Variants in UBAP2L observed in about 807,000 individuals in gnomAD.
UBAP2L encodes ubiquitin associated protein 2 like.
A neutral mutation model predicts 130.6 loss-of-function variants in UBAP2L; 12 were observed. The ratio of observed to expected loss-of-function variants is 0.09; its 90% CI spans 0.06 to 0.15. The LOEUF is 0.15. Among genes scored for constraint, UBAP2L ranks in the 10% least tolerant of loss-of-function variants. UBAP2L has a pLI of 1.00. For synonymous variants in UBAP2L, 503 were observed against 524.7 expected (o/e 0.96, Z 0.57); for missense variants, 965 against 1,332.5 (o/e 0.72, Z 4.29).
At chr1:154,223,385 G>A (rs1173542114) in intron 1 of UBAP2L, among the ~76,000 whole-genome samples, 1 of 152,140 alleles carries the variant, frequency 6.6e-6, no homozygotes, top group African/African-American at 2.4e-5. Context: ...TAGTGGGTTG[G>A]AAATGACTAT....
intron 2 of UBAP2L, among the ~76,000 whole-genome samples, chr1:154,226,522 A>C (rs1667985234): frequency 6.6e-6 from 1 of 152,228 alleles, no homozygotes; most frequent in Non-Finnish European, 1.5e-5. Context: ...TAGAATTATA[A>C]TACTTAGTTG....
At position 154,227,263 on chromosome 1, in the gene UBAP2L, A is replaced by C; in HGVS notation, c.91-19A>C. ...GTTGCCTCATGATTATGCTTTCTTG[A>C]TCTCATCTCAATTCCTAGGCCACTG... is the stretch of plus-strand genomic sequence containing the variant. On this transcript the variant is annotated intron_variant, in intron 2 of 26. Coordinates refer to ENST00000428931, the MANE Select transcript of UBAP2L (RefSeq NM_014847.4). 6 of 1,461,844 alleles carry C rather than the reference A, an allele frequency of 4.1e-6. No individual in the cohort carries two copies. The highest frequency in any genetic ancestry group is 4.8e-6 in the Non-Finnish European group (5 of 1,042,470). The allele number at this position is 1,461,844 out of a possible 1,614,324, so 90.6% of individuals were successfully genotyped here. A position where few individuals can be genotyped will look rare whatever the true frequency, so the allele number is the denominator to read the frequency against.
Position 154,266,565 on chromosome 1 carries a change from C to T in UBAP2L, c.2967C>T (p.Thr989=), listed in dbSNP as rs754295044. ...PDISGSVYSK[T]QQSFEKQGFH... Reference sequence around the variant, plus strand: ...TCTCGGGTTCTGTGTACTCCAAAACCCAGGTAGGTGCCTGGCTCTGGATAA... The same window carrying T: ...TCTCGGGTTCTGTGTACTCCAAAACTCAGGTAGGTGCCTGGCTCTGGATAA... The change falls in exon 25 of 27, where the codon ACC becomes ACT. Residue 989 remains threonine (T), a synonymous_variant. Transcript: ENST00000428931. The T allele has an allele frequency of 2.0e-5, 33 of 1,613,928 alleles. No homozygotes were observed. In the East Asian group the frequency reaches 6.5e-4, roughly 32 times the overall value.
chr1:154,263,158 C>T (rs1682134489), intron 24 of UBAP2L: 4 of 1,551,946 alleles, frequency 2.6e-6, no homozygotes, highest in East Asian at 2.4e-5. Flanking sequence ...GCTAATTTGG[C>T]CCAAGGCTGG....
chr1:154,265,225 CT>C (rs1682897721), intron 24 of UBAP2L, among the ~76,000 whole-genome samples: 1 of 152,198 alleles, frequency 6.6e-6, no homozygotes, highest in Non-Finnish European at 1.5e-5. Flanking sequence ...CTTTGGAAGG[CT>C]GCCTTTGTCT....
chr1:154,237,088 G>A lies in UBAP2L; in HGVS notation c.655G>A (p.Gly219Ser), dbSNP rs1195580440. 5 of 1,614,006 alleles carry A rather than the reference G, an allele frequency of 3.1e-6. No homozygotes were observed. The highest frequency in any genetic ancestry group is 1.7e-5 in the Admixed American group (1 of 60,000). The stretch of plus-strand genomic sequence containing the variant: ...TGATGATAACTATGGCAATAGCAGC[G>A]GCAATACGTGGAACAACACTGGCCA... ...NTDDNYGNSS[G>S]NTWNNTGHFE... Residue 219 changes from glycine to serine, a missense_variant, in exon 8 of 27, where the codon GGC (glycine) becomes AGC (serine). Around this residue, in one of 9 missense-constraint regions of UBAP2L, gnomAD observed 109 missense variants for 146.6 expected, o/e 0.74. Transcript: ENST00000428931.
chr1:154,245,058 A>T (rs1674942388), intron 10 of UBAP2L, among the ~76,000 whole-genome samples: 1 of 152,066 alleles, frequency 6.6e-6, no homozygotes, highest in Non-Finnish European at 1.5e-5. Flanking sequence ...CAGCCTCCCG[A>T]GTAGCTGGTA....
downstream of UBAP2L, chr1:154,271,101 A>C: frequency 5.7e-6 from 4 of 696,038 alleles, no homozygotes; most frequent in Non-Finnish European, 9.2e-6. Context: ...ACCACCACAA[A>C]TCTTCATTTC....
chr1:154,258,787 C>T, intron 20 of UBAP2L, 190 bp from the exon 21 acceptor site: 2 of 522,902 alleles, frequency 3.8e-6, no homozygotes, highest in Admixed American at 3.5e-5. Context: ...GCTTCAAGAC[C>T]TTTCATGAAT....
At chr1:154,249,101 A>C (rs1032027837) in intron 11 of UBAP2L, 138 bp from the exon 12 acceptor site, 14 of 768,004 alleles carry the variant, frequency 1.8e-5, no homozygotes, top group Non-Finnish European at 2.9e-5. Flanking sequence ...ACTCTAGTGG[A>C]CTATGCTGTA....
chr1:154,251,969 T>G (rs986368782), intron 14 of UBAP2L, among the ~76,000 whole-genome samples: 1 of 152,050 alleles, frequency 6.6e-6, no homozygotes, highest in Admixed American at 6.6e-5. Context: ...AGTCCCTGTC[T>G]CTACAAAAAA....
intron 3 of UBAP2L, 146 bp downstream of exon 3, chr1:154,227,505 A>C (rs754141289): frequency 8.6e-5 from 57 of 661,370 alleles, no homozygotes; most frequent in Middle Eastern, 8.9e-4. Flanking sequence ...CAGGCCAATA[A>C]ATAAGTGCTT....
rs1194605 is a variant in UBAP2L, at chr1:154,254,105, A to C, written c.1854+16A>C. 9.6e-3 allele frequency: 14,420 copies of C among 1,508,572 alleles called. 1,237 individuals are homozygous for C. The African/African-American group carries it at 0.18, about 19-fold the overall frequency. The allele number at this position is 1,508,572 out of a possible 1,614,324, so 93.4% of individuals were successfully genotyped here. On this transcript the variant is annotated intron_variant, in intron 15 of 26. Transcript: ENST00000428931. The stretch of plus-strand genomic sequence containing the variant: ...TCAGGCAAAGGTAGTGGCTTCATGA[A>C]CCCTTGGGAATTGGTTAGGAGAATA...
At chr1:154,259,760 A>G (rs1351153483) in intron 21 of UBAP2L, 188 bp from the exon 22 acceptor site, 3 of 754,324 alleles carry the variant, frequency 4.0e-6, no homozygotes, top group East Asian at 2.5e-5. Context: ...GACTGTGCTC[A>G]TGGCCAGGCA....
chr1:154,257,201 C>T lies in UBAP2L; in HGVS notation c.2296C>T (p.Leu766=), dbSNP rs1368401086. 1.9e-6 allele frequency: 3 copies of T among 1,614,198 alleles called. No homozygotes were observed. The South Asian group carries it at 3.3e-5, about 18-fold the overall frequency. Reference sequence around the variant, plus strand: ...TAGTGGCAGTAGCCTGGGCCTCAGCCTAGGCAGCAACTCCACTGTCACAGC... The same window carrying T: ...TAGTGGCAGTAGCCTGGGCCTCAGCTTAGGCAGCAACTCCACTGTCACAGC... The part of the protein sequence containing the change: ...LNSGSSLGLS[L]GSNSTVTAST... Residue 766 remains leucine, a synonymous_variant, in exon 19 of 27, where the codon CTA becomes TTA. Transcript: ENST00000428931.
chr1:154,270,766 T>TTTG lies in UBAP2L; in HGVS notation c.*473_*474insGTT. On this transcript the variant is annotated 3_prime_UTR_variant, in exon 27 of 27. Transcript: ENST00000428931. ...GATGAATTAGTTGAAGTGGTTTTTT[T>TTTG]TTTGTTTTTTTTTTTTTTTTGTACT... 2 of 1,100,262 alleles carry TTTG rather than the reference T, an allele frequency of 1.8e-6. No homozygotes were observed. Among genetic ancestry groups the TTTG allele is most frequent in the East Asian group, 3.6e-5 (1 of 27,758 alleles). The allele number at this position is 1,100,262 out of a possible 1,614,324, so 68.2% of individuals were successfully genotyped here.
rs917723951 is a variant in UBAP2L, at chr1:154,266,888, A to G, written c.2970+320A>G. On this transcript the variant is annotated intron_variant, in intron 25 of 26. Coordinates refer to ENST00000428931, the MANE Select transcript of UBAP2L (RefSeq NM_014847.4). ...ACCTTTTTCATAACTTTTCAAGAGAATAAGTATGAGAGTGACAGGAAACTA... is the reference window on the plus strand; with the variant it reads ...ACCTTTTTCATAACTTTTCAAGAGAGTAAGTATGAGAGTGACAGGAAACTA... Among the ~76,000 whole-genome samples the G allele has an allele frequency of 7.9e-5, 12 of 152,202 alleles. 1 individual carries two copies. The highest frequency in any genetic ancestry group is 2.6e-4 in the Admixed American group (4 of 15,282).
intron 25 of UBAP2L, among the ~76,000 whole-genome samples, chr1:154,267,878 G>GTTTTT (rs1558238296): frequency 1.6e-5 from 1 of 62,726 alleles, no homozygotes; most frequent in Non-Finnish European, 3.7e-5. Context: ...CTCTTATTTG[G>GTTTTT]TCTTTTTTTT....
In UBAP2L at chr1:154,246,206, T is replaced by G; in HGVS notation, c.845T>G (p.Ile282Ser). 6.2e-7 allele frequency: 1 copy of G among 1,606,982 alleles called. No individual in the cohort carries two copies. The highest frequency in any genetic ancestry group is 8.5e-7 in the Non-Finnish European group (1 of 1,174,650). Reference sequence around the variant, plus strand: ...AGATCCCTTCCCTTCCCCATTAGAATTGACCTTGCTGTTCTGCTGGGGAAG... The same window carrying G: ...AGATCCCTTCCCTTCCCCATTAGAAGTGACCTTGCTGTTCTGCTGGGGAAG... Reference protein sequence around the residue: ...ENVTITAGQRIDLAVLLGKTP... With the variant: ...ENVTITAGQRSDLAVLLGKTP... Residue 282 changes from isoleucine to serine, a missense_variant and splice_region_variant, in exon 11 of 27, where the codon ATT becomes AGT. Ile to Ser is a moderately radical substitution (Grantham distance 142, BLOSUM62 -2). This residue lies in a region of UBAP2L where 99 missense variants were observed against 106.4 expected (regional missense o/e 0.93). Coordinates refer to ENST00000428931, the MANE Select transcript of UBAP2L (RefSeq NM_014847.4).
Sources: gnomAD v4.1 joint callset for allele counts (sites outside exome capture counted in the v4.1 genomes callset) on GRCh38, gnomAD v4.1.1 for gene constraint, gnomAD v4.1.1 regional missense constraint, MANE v1.5 for transcripts, NCBI Gene and HGNC (gene_info 2026-07-23, HGNC 2026-07-21) for gene names.